The following AKR1C8 variants were observed in gnomAD, a reference collection of about 807,000 sequenced individuals.
AKR1C8 encodes the protein aldo-keto reductase family 1 member C8.
chr10:5,126,308 T>G, the AKR1C8 span, among the ~76,000 whole-genome samples: 1 of 152,146 alleles, frequency 6.6e-6, no homozygotes, highest in African/African-American at 2.4e-5. Flanking sequence ...CAGGCTTGCA[T>G]GAGAGGCAGT....
At chr10:5,163,793 C>G in the AKR1C8 span, among the ~76,000 whole-genome samples, 1 of 152,114 alleles carries the variant, frequency 6.6e-6, no homozygotes, top group African/African-American at 2.4e-5. Flanking sequence ...ATGCCTAAGA[C>G]ATACCAACAA....
chr10:5,175,007 G>A, the AKR1C8 span, among the ~76,000 whole-genome samples: 1 of 152,014 alleles, frequency 6.6e-6, no homozygotes, highest in Non-Finnish European at 1.5e-5. Flanking sequence ...TAGGGTACAA[G>A]TGCACAATGT....
chr10:5,145,657 C>T, the AKR1C8 span, among the ~76,000 whole-genome samples: 13 of 152,168 alleles, frequency 8.5e-5, no homozygotes, highest in African/African-American at 2.7e-4. Context: ...GACACCATCT[C>T]ACACCAGTTA....
chr10:5,120,767 G>T, the AKR1C8 span, among the ~76,000 whole-genome samples: 154 of 149,370 alleles, frequency 1.0e-3, 1 homozygote, highest in African/African-American at 3.7e-3. Context: ...ACATATTTTT[G>T]GGGGGGACTG....
chr10:5,132,797 G>A, the AKR1C8 span: 17 of 1,008,288 alleles, frequency 1.7e-5, no homozygotes, highest in African/African-American at 1.3e-4. Context: ...AGTAGTATTT[G>A]GTGATCAATG....
the AKR1C8 span, among the ~76,000 whole-genome samples, chr10:5,175,819 G>A: frequency 7.3e-6 from 1 of 137,310 alleles, no homozygotes; most frequent in South Asian, 2.2e-4. Context: ...CTTTTTGATG[G>A]GGTTGTTTGT....
At chr10:5,145,839 C>T in the AKR1C8 span, among the ~76,000 whole-genome samples, 1 of 152,072 alleles carries the variant, frequency 6.6e-6, no homozygotes, top group Non-Finnish European at 1.5e-5. Flanking sequence ...CCAGCCATCC[C>T]ATTACTGGGT....
At chr10:5,142,855 T>A in the AKR1C8 span, among the ~76,000 whole-genome samples, 1 of 152,084 alleles carries the variant, frequency 6.6e-6, no homozygotes, top group South Asian at 2.1e-4. Flanking sequence ...CATGTGCTAT[T>A]GGAAAAATGG....
chr10:5,155,758 C>G, the AKR1C8 span: 3 of 472,560 alleles, frequency 6.3e-6, no homozygotes, highest in Non-Finnish European at 1.3e-5. Flanking sequence ...AGTCAAAAAT[C>G]TGAAAGGAAG....
At chr10:5,174,882 C>T in the AKR1C8 span, among the ~76,000 whole-genome samples, 11 of 151,844 alleles carry the variant, frequency 7.2e-5, no homozygotes, top group East Asian at 5.8e-4. Flanking sequence ...TACAAAACCA[C>T]GGTCTATATA....
At chr10:5,137,299 A>G in the AKR1C8 span, among the ~76,000 whole-genome samples, 2 of 152,166 alleles carry the variant, frequency 1.3e-5, no homozygotes, top group African/African-American at 2.4e-5. Flanking sequence ...CACAACAAAA[A>G]AGAGAATTTT....
the AKR1C8 span, among the ~76,000 whole-genome samples, chr10:5,152,642 T>C: frequency 1.3e-5 from 2 of 152,134 alleles, no homozygotes; most frequent in Non-Finnish European, 2.9e-5. Context: ...TGGCTAGCCT[T>C]GGAGAAGAAT....
the AKR1C8 span, among the ~76,000 whole-genome samples, chr10:5,119,974 C>T: frequency 6.2e-4 from 94 of 152,188 alleles, no homozygotes; most frequent in Middle Eastern, 3.4e-3. Context: ...CATAGACAGG[C>T]CCCAAAACTA....
chr10:5,162,336 A>T, the AKR1C8 span, among the ~76,000 whole-genome samples: 184 of 152,368 alleles, frequency 1.2e-3, 1 homozygote, highest in Non-Finnish European at 2.2e-3. Flanking sequence ...AGAAAGAATT[A>T]TTCTGAGAGA....
At chr10:5,126,464 T>G in the AKR1C8 span, among the ~76,000 whole-genome samples, 1 of 152,116 alleles carries the variant, frequency 6.6e-6, no homozygotes, top group African/African-American at 2.4e-5. Flanking sequence ...CTGAGGTAGC[T>G]TCCCCCCTTT....
chr10:5,170,674 G>A, the AKR1C8 span, among the ~76,000 whole-genome samples: 1 of 152,086 alleles, frequency 6.6e-6, no homozygotes, highest in Non-Finnish European at 1.5e-5. Flanking sequence ...CAGGGACTCT[G>A]TAGACAAAAT....
the AKR1C8 span, among the ~76,000 whole-genome samples, chr10:5,164,439 A>C: frequency 2.6e-5 from 4 of 151,798 alleles, no homozygotes; most frequent in Non-Finnish European, 5.9e-5. Context: ...ATCATGAGAG[A>C]CTACTACATT....
At chr10:5,155,476 G>A in the AKR1C8 span, 3 of 280,564 alleles carry the variant, frequency 1.1e-5, 1 homozygote, top group East Asian at 1.0e-4. Context: ...GACATTGGCA[G>A]TTTCACTTAC....
At chr10:5,178,638 G>A in the AKR1C8 span, among the ~76,000 whole-genome samples, 1 of 152,126 alleles carries the variant, frequency 6.6e-6, no homozygotes, top group African/African-American at 2.4e-5. Context: ...GGTCACTCAG[G>A]ACTTGCTTTA....
Sources: gnomAD v4.1 joint callset for allele counts (sites outside exome capture counted in the v4.1 genomes callset) on GRCh38, gnomAD v4.1.1 for gene constraint, MANE v1.5 for transcripts, NCBI Gene and HGNC (gene_info 2026-07-23, HGNC 2026-07-21) for gene names.